The following DLG5 variants were observed in gnomAD, a reference collection of about 807,000 sequenced individuals.
DLG5 encodes the protein discs large MAGUK scaffold protein 5.
A neutral mutation model predicts 189.8 loss-of-function variants in DLG5; 48 were observed. That is an observed-to-expected ratio of 0.25 (90% CI 0.20 to 0.32). DLG5 has a LOEUF of 0.32. DLG5 is among the 10% of genes least tolerant of loss of function. The pLI is 1.00. For missense variants in DLG5, 2,160 were observed against 2,544.7 expected (o/e 0.85, Z 3.25); for synonymous variants, 1,016 against 1,054.1 (o/e 0.96, Z 0.70).
intron 1 of DLG5, chr10:77,869,520 G>A (rs957655488): frequency 2.7e-6 from 1 of 367,078 alleles, no homozygotes; most frequent in Non-Finnish European, 5.0e-6. Flanking sequence ...TAAACATGGG[G>A]TGTGGGGGTT....
chr10:77,822,321 A>G (rs1842410936), intron 14 of DLG5, among the ~76,000 whole-genome samples: 1 of 152,192 alleles, frequency 6.6e-6, no homozygotes, highest in Admixed American at 6.5e-5. Flanking sequence ...CTCAAAGAAG[A>G]GTCAAAGTTT....
At chr10:77,886,833 T>C (rs1477685085) in intron 1 of DLG5, among the ~76,000 whole-genome samples, 2 of 152,192 alleles carry the variant, frequency 1.3e-5, no homozygotes, top group Non-Finnish European at 2.9e-5. Context: ...GGCATCCTTA[T>C]AACAAGAGAT....
chr10:77,881,276 G>A (rs1232771017), intron 1 of DLG5, among the ~76,000 whole-genome samples: 1 of 152,112 alleles, frequency 6.6e-6, no homozygotes, highest in African/African-American at 2.4e-5. Context: ...GATAGAAAAA[G>A]ATGCAAGCAG....
chr10:77,814,283 T>C (rs978342414), intron 20 of DLG5, among the ~76,000 whole-genome samples: 3 of 152,058 alleles, frequency 2.0e-5, no homozygotes, highest in Admixed American at 6.5e-5. Context: ...CAGCCAGAGA[T>C]AATCTTTACT....
chr10:77,883,627 A>G (rs1451825216), intron 1 of DLG5, among the ~76,000 whole-genome samples: 1 of 152,150 alleles, frequency 6.6e-6, no homozygotes, highest in Non-Finnish European at 1.5e-5. Flanking sequence ...AAAGAAAAAG[A>G]AAAAACAGAG....
chr10:77,857,247 C>T (rs946228849), intron 2 of DLG5, among the ~76,000 whole-genome samples: 1 of 152,202 alleles, frequency 6.6e-6, no homozygotes, highest in Non-Finnish European at 1.5e-5. Context: ...TCAGCTGTTA[C>T]CCACCACTAA....
At chr10:77,848,017 T>A (rs1274264378) in intron 5 of DLG5, among the ~76,000 whole-genome samples, 5 of 152,152 alleles carry the variant, frequency 3.3e-5, no homozygotes, top group Non-Finnish European at 7.4e-5. Context: ...GAGAGTCAAC[T>A]TTTCCACTCA....
At chr10:77,816,319 C>T (rs901370377) in intron 20 of DLG5, 1 of 711,276 alleles carries the variant, frequency 1.4e-6, no homozygotes, top group Non-Finnish European at 2.5e-6. Flanking sequence ...CAGGTCATTT[C>T]CAGCATCATC....
intron 1 of DLG5, among the ~76,000 whole-genome samples, chr10:77,903,759 A>G (rs1263324648): frequency 6.6e-6 from 1 of 152,242 alleles, no homozygotes; most frequent in Non-Finnish European, 1.5e-5. Context: ...GAATATTCCA[A>G]AATCCAAAAA....
chr10:77,826,232 G>A (rs1192257874), intron 13 of DLG5, among the ~76,000 whole-genome samples: 1 of 152,232 alleles, frequency 6.6e-6, no homozygotes, highest in African/African-American at 2.4e-5. Flanking sequence ...ATGTAAGTAA[G>A]GGCAGAGATG....
chr10:77,800,354 G>C (rs1190126962), intron 27 of DLG5, among the ~76,000 whole-genome samples: 2 of 152,228 alleles, frequency 1.3e-5, no homozygotes, highest in Non-Finnish European at 2.9e-5. Context: ...ATCCTGGAGA[G>C]AAGGAAACTG....
chr10:77,824,582 C>T, intron 13 of DLG5, 106 bp from the exon 14 acceptor site: 1 of 868,416 alleles, frequency 1.2e-6, no homozygotes, highest in Non-Finnish European at 1.8e-6. Context: ...TCACCAAATG[C>T]AAGGTGCCAA....
chr10:77,922,781 C>T (rs573653441), intron 1 of DLG5, among the ~76,000 whole-genome samples: 10 of 152,304 alleles, frequency 6.6e-5, no homozygotes, highest in Admixed American at 2.0e-4. Context: ...AATGCCCTAT[C>T]AATACCGGAA....
chr10:77,932,894 A>G, the DLG5 span, among the ~76,000 whole-genome samples: 10 of 151,766 alleles, frequency 6.6e-5, no homozygotes, highest in African/African-American at 2.2e-4. Context: ...CTTGAACCCA[A>G]GTTCGAGGCC....
chr10:77,856,195 A>G (rs1844218363), intron 3 of DLG5, among the ~76,000 whole-genome samples: 1 of 152,014 alleles, frequency 6.6e-6, no homozygotes, highest in Non-Finnish European at 1.5e-5. Flanking sequence ...AAAATTAAAA[A>G]AAAAAAATTA....
intron 6 of DLG5, among the ~76,000 whole-genome samples, 178 bp downstream of exon 6, chr10:77,843,269 A>G (rs1357075374): frequency 1.3e-5 from 2 of 152,216 alleles, no homozygotes; most frequent in African/African-American, 4.8e-5. Context: ...GGATGTTCAG[A>G]TGGGAAGAGG....
chr10:77,914,942 T>C (rs994061937), intron 1 of DLG5, among the ~76,000 whole-genome samples: 5 of 152,074 alleles, frequency 3.3e-5, no homozygotes, highest in Admixed American at 6.6e-5. Flanking sequence ...GCGAACTCCA[T>C]AGGGGAAACA....
chr10:77,811,416 C>G (rs529995371), intron 22 of DLG5, among the ~76,000 whole-genome samples, 182 bp from the exon 23 acceptor site: 2 of 152,160 alleles, frequency 1.3e-5, no homozygotes, highest in African/African-American at 4.8e-5. Context: ...GTCCTCTCCC[C>G]TCCACCTGTC....
chr10:77,811,350 C>T (rs2289309), intron 22 of DLG5, 116 bp from the exon 23 acceptor site: 429,867 of 1,315,136 alleles, frequency 0.33, 71,189 homozygotes, highest in Non-Finnish European at 0.34. Context: ...TAGCCCTGCA[C>T]CCTGTGCCCT....
Sources: gnomAD v4.1 joint callset for allele counts (sites outside exome capture counted in the v4.1 genomes callset) on GRCh38, gnomAD v4.1.1 for gene constraint, MANE v1.5 for transcripts, NCBI Gene and HGNC (gene_info 2026-07-23, HGNC 2026-07-21) for gene names.